SOS1: variants seen among roughly 807,000 people sequenced by gnomAD.
SOS1 encodes the protein son of sevenless homolog 1.
In SOS1, 25 loss-of-function variants were observed where a neutral mutation model predicts 157.6. The observed-to-expected ratio is 0.16, with a 90% CI of 0.12 to 0.22. SOS1 has a LOEUF of 0.22. Ranked by LOEUF, SOS1 falls within the 10% of genes least tolerant of loss-of-function variation. SOS1 has a pLI of 1.00. For synonymous variants in SOS1, 528 were observed against 534.0 expected, an observed-to-expected ratio of 0.99 and a Z score of 0.16; for missense variants, 1,237 against 1,599.1, an observed-to-expected ratio of 0.77 and a Z score of 3.86.
chr2:39,003,245 G>A (rs554538499), intron 17 of SOS1, among the ~76,000 whole-genome samples: 2 of 151,724 alleles, frequency 1.3e-5, no homozygotes, highest in Middle Eastern at 3.4e-3. Context: ...TACAAATAGC[G>A]GTAATTAAAA....
At chr2:39,112,358 CT>C (rs1260387817) in intron 1 of SOS1, among the ~76,000 whole-genome samples, 1 of 152,156 alleles carries the variant, frequency 6.6e-6, no homozygotes, top group Non-Finnish European at 1.5e-5. Context: ...CTTGCTCTTT[CT>C]TTCCCATGGC....
rs1351500843 is a variant in SOS1, at chr2:38,982,488, A to G, written c.*3336T>C. ...AACCAATATTAACCTTGTGATGTTT[A>G]GTTACTGGTAAAGATTAATGCAATA... On this transcript the variant is annotated 3_prime_UTR_variant, in exon 23 of 23. Coordinates refer to ENST00000402219, the MANE Select transcript of SOS1 (RefSeq NM_005633.4). 6.6e-6 allele frequency: 1 copy of G among 152,192 alleles called. No individual in the cohort carries two copies. Among genetic ancestry groups the G allele is most frequent in the Non-Finnish European group, 1.5e-5 (1 of 68,028 alleles). 9.4% of individuals were successfully genotyped at this position (152,192 alleles called of 1,614,324 possible).
chr2:39,114,285 TTTTTGTTCTTTTC>T (rs1558520264), intron 1 of SOS1, among the ~76,000 whole-genome samples: 3 of 151,400 alleles, frequency 2.0e-5, no homozygotes, highest in Non-Finnish European at 4.4e-5. Context: ...TTTGTTTTTC[TTTTTGTTCTTTTC>T]TTTTTTTTTT....
intron 15 of SOS1, among the ~76,000 whole-genome samples, chr2:39,007,674 G>C (rs921512340): frequency 6.6e-6 from 1 of 151,886 alleles, no homozygotes; most frequent in Admixed American, 6.6e-5. Flanking sequence ...ACATTTCTAC[G>C]AACAGCATTA....
intron 6 of SOS1, among the ~76,000 whole-genome samples, chr2:39,040,105 A>G (rs868122858): frequency 9.2e-5 from 14 of 151,678 alleles, no homozygotes; most frequent in Admixed American, 7.9e-4. Flanking sequence ...TCCGCCTCCC[A>G]GGTTCACACC....
chr2:39,054,378 GGA>G (rs1398301804), intron 5 of SOS1, among the ~76,000 whole-genome samples: 1 of 152,154 alleles, frequency 6.6e-6, no homozygotes, highest in Non-Finnish European at 1.5e-5. Context: ...TGGAGTACAT[GGA>G]GAATTCTGTG....
At chr2:39,035,933 T>C (rs1670327036) in intron 6 of SOS1, among the ~76,000 whole-genome samples, 1 of 152,216 alleles carries the variant, frequency 6.6e-6, no homozygotes, top group African/African-American at 2.4e-5. Flanking sequence ...TTTCGTATTC[T>C]ATAAACCAGA....
chr2:39,084,915 A>C (rs992340239), intron 1 of SOS1, among the ~76,000 whole-genome samples: 1 of 152,182 alleles, frequency 6.6e-6, no homozygotes, highest in Non-Finnish European at 1.5e-5. Flanking sequence ...TTCCTCTTCA[A>C]CTATGCTCTT....
At chr2:39,032,456 TATAAGAC>T (rs1670196414) in intron 8 of SOS1, among the ~76,000 whole-genome samples, 1 of 152,236 alleles carries the variant, frequency 6.6e-6, no homozygotes, top group Non-Finnish European at 1.5e-5. Context: ...TTCTTTAAAA[TATAAGAC>T]ATAAGAATTT....
At chr2:39,075,765 A>T (rs1671950000) in intron 1 of SOS1, among the ~76,000 whole-genome samples, 1 of 152,156 alleles carries the variant, frequency 6.6e-6, no homozygotes, top group Non-Finnish European at 1.5e-5. Flanking sequence ...TGTATTATAC[A>T]CAAGAAGGAG....
chr2:39,001,283 G>T (rs1470139049), intron 17 of SOS1, among the ~76,000 whole-genome samples: 1 of 152,118 alleles, frequency 6.6e-6, no homozygotes, highest in East Asian at 1.9e-4. Flanking sequence ...GGCTGGTCTT[G>T]AACTCCTGGC....
intron 1 of SOS1, among the ~76,000 whole-genome samples, chr2:39,114,964 C>G (rs935825767): frequency 2.0e-5 from 3 of 152,112 alleles, no homozygotes; most frequent in Non-Finnish European, 4.4e-5. Flanking sequence ...TTCTGCCTGA[C>G]TCCTTGCTTC....
At chr2:38,998,142 C>G (rs566071093) in intron 17 of SOS1, among the ~76,000 whole-genome samples, 2 of 152,172 alleles carry the variant, frequency 1.3e-5, no homozygotes, top group South Asian at 4.2e-4. Context: ...GTACACTGGA[C>G]GAGGAGGAGA....
Position 39,117,745 on chromosome 2 carries a change from C to T in SOS1, c.87+2591G>A, listed in dbSNP as rs544704937. 6.6e-5 allele frequency among the ~76,000 whole-genome samples: 10 copies of T among 152,226 alleles called. No individual in the cohort carries two copies. The South Asian group carries it at 2.1e-3, about 32-fold the overall frequency. On this transcript the variant is annotated intron_variant, in intron 1 of 22. Transcript: ENST00000402219. ...TATCACAGTAGTCTGACAAAGGAGA[C>T]TCAATTAGAGAAGTCGGAGGAGGAA...
intron 2 of SOS1, among the ~76,000 whole-genome samples, chr2:39,060,217 A>G (rs986169046): frequency 2.0e-5 from 3 of 152,244 alleles, no homozygotes; most frequent in Admixed American, 2.0e-4. Flanking sequence ...TGATTAACTA[A>G]GTGCAACCAT....
Position 39,006,455 on chromosome 2 carries a change from C to G in SOS1, c.2748G>C (p.Leu916Phe). 1 of 1,606,132 alleles carries G rather than the reference C, an allele frequency of 6.2e-7. No individual in the cohort carries two copies. Among genetic ancestry groups the G allele is most frequent in the Non-Finnish European group, 8.5e-7 (1 of 1,173,132 alleles). The change falls in exon 17 of 23, where the codon TTG (leucine) becomes TTC (phenylalanine). Residue 916 changes from leucine (L) to phenylalanine (F), a missense_variant. By Grantham distance (22) the Leu-to-Phe change is conservative. Coordinates refer to ENST00000402219, the MANE Select transcript of SOS1 (RefSeq NM_005633.4). Reference protein sequence around the residue: ...ELSEDHYKKYLAKLRSINPPC... With the variant: ...ELSEDHYKKYFAKLRSINPPC... ...GTGGATTAATAGACCTGAGTTTTGC[C>G]AAATATTTCTTATAGTGATCTTCAC...
intron 8 of SOS1, among the ~76,000 whole-genome samples, chr2:39,031,383 GAAA>G (rs1316586602): frequency 2.0e-5 from 3 of 152,140 alleles, no homozygotes; most frequent in Non-Finnish European, 4.4e-5. Flanking sequence ...AAGGAACAAA[GAAA>G]AAGTTAATAC....
chr2:39,023,162 C>A lies in SOS1; in HGVS notation c.1266G>T (p.Met422Ile). ...MKGKQLAIKKMNEIQKNIDGW... is the reference protein window; with the variant it reads ...MKGKQLAIKKINEIQKNIDGW... The stretch of plus-strand genomic sequence containing the variant: ...CATCAATATTCTTCTGAATCTCGTT[C>A]ATCTTCTTGATTGCTAGTTGTTTCC... Residue 422 changes from methionine (M) to isoleucine (I), a missense_variant, in exon 10 of 23, where the codon ATG (methionine) becomes ATT (isoleucine). Met to Ile is a conservative substitution (Grantham distance 10). Around this residue, in one of 15 missense-constraint regions of SOS1, gnomAD observed 210 missense variants for 220.2 expected, o/e 0.95. Coordinates refer to ENST00000402219, the MANE Select transcript of SOS1 (RefSeq NM_005633.4). The A allele has an allele frequency of 6.2e-7, 1 of 1,613,186 alleles. No individual in the cohort carries two copies. Among genetic ancestry groups the A allele is most frequent in the East Asian group, 2.2e-5 (1 of 44,862 alleles).
intron 1 of SOS1, among the ~76,000 whole-genome samples, chr2:39,079,693 C>T (rs900198492): frequency 1.3e-5 from 2 of 151,936 alleles, no homozygotes; most frequent in African/African-American, 4.8e-5. Flanking sequence ...CAGAGTTTCA[C>T]CATGTTGGTC....
Sources: allele counts gnomAD v4.1 joint callset (sites outside exome capture counted in the v4.1 genomes callset), GRCh38; gene constraint gnomAD v4.1.1; regional missense constraint gnomAD v4.1.1; transcripts MANE v1.5; gene names NCBI Gene and HGNC (gene_info 2026-07-23, HGNC 2026-07-21).